Variants in TRIO observed in about 807,000 individuals in gnomAD.
The protein encoded by TRIO is trio Rho guanine nucleotide exchange factor.
TRIO carries 58 observed loss-of-function variants against 351.9 expected under a neutral mutation model. That is an observed-to-expected ratio of 0.16 (90% CI 0.13 to 0.21). The LOEUF (loss-of-function observed/expected upper bound fraction) is 0.21. Among genes scored for constraint, TRIO ranks in the 10% least tolerant of loss-of-function variants. TRIO has a pLI of 1.00. For missense variants in TRIO, 3,201 were observed against 4,027.8 expected (o/e 0.79, Z 5.56); for synonymous variants, 1,758 against 1,595.7 (o/e 1.10, Z -2.42).
chr5:14,377,551 G>C (rs1745672251), intron 19 of TRIO, among the ~76,000 whole-genome samples: 1 of 151,832 alleles, frequency 6.6e-6, no homozygotes, highest in South Asian at 2.1e-4. Flanking sequence ...CGCCCAGCTT[G>C]GTTTTTCTTT....
intron 18 of TRIO, 26 bp downstream of exon 18, chr5:14,369,549 C>T: frequency 1.3e-6 from 2 of 1,599,416 alleles, no homozygotes; most frequent in Non-Finnish European, 1.7e-6. Context: ...CGGGACAGTG[C>T]ACCCATCAGA....
chr5:14,263,539 C>T (rs912275185), intron 1 of TRIO, among the ~76,000 whole-genome samples: 3 of 152,168 alleles, frequency 2.0e-5, no homozygotes, highest in African/African-American at 7.2e-5. Context: ...CAGATTGATA[C>T]AATGATTGAA....
At chr5:14,396,421 ATAAT>A (rs1747586009) in intron 28 of TRIO, among the ~76,000 whole-genome samples, 1 of 137,472 alleles carries the variant, frequency 7.3e-6, no homozygotes, top group African/African-American at 2.7e-5. Context: ...GTGTTACATA[ATAAT>A]TAAATATTTC....
chr5:14,461,991 A>G (rs1462823082), intron 35 of TRIO, among the ~76,000 whole-genome samples: 1 of 152,180 alleles, frequency 6.6e-6, no homozygotes, highest in Non-Finnish European at 1.5e-5. Context: ...TTCCTTCAGG[A>G]TGCTGGAGAT....
At chr5:14,459,722 A>T (rs1407425989) in intron 34 of TRIO, among the ~76,000 whole-genome samples, 1 of 152,182 alleles carries the variant, frequency 6.6e-6, no homozygotes, top group East Asian at 1.9e-4. Flanking sequence ...TGGGTGACAG[A>T]GCAAGACTCC....
chr5:14,468,023 G>C (rs184216029), intron 37 of TRIO, among the ~76,000 whole-genome samples: 1 of 152,106 alleles, frequency 6.6e-6, no homozygotes, highest in Non-Finnish European at 1.5e-5. Context: ...TTACCAAATA[G>C]CCGAAATGGT....
chr5:14,491,459 G>A (rs1195130966), intron 48 of TRIO, among the ~76,000 whole-genome samples: 5 of 152,190 alleles, frequency 3.3e-5, no homozygotes, highest in East Asian at 3.8e-4. Flanking sequence ...ACCAGATGCC[G>A]TTTCTCACAT....
intron 1 of TRIO, among the ~76,000 whole-genome samples, chr5:14,254,597 T>C (rs1290052518): frequency 6.6e-6 from 1 of 152,174 alleles, no homozygotes; most frequent in Non-Finnish European, 1.5e-5. Flanking sequence ...ACCGTTGGTC[T>C]TGGCTCTGTT....
chr5:14,168,650 T>A (rs1230506275), intron 1 of TRIO, among the ~76,000 whole-genome samples: 1 of 152,252 alleles, frequency 6.6e-6, no homozygotes, highest in East Asian at 1.9e-4. Flanking sequence ...AGTTCCGCCC[T>A]TTTTAGCTAG....
At chr5:14,395,917 G>A (rs1747523474) in intron 28 of TRIO, among the ~76,000 whole-genome samples, 1 of 151,888 alleles carries the variant, frequency 6.6e-6, no homozygotes, top group Non-Finnish European at 1.5e-5. Flanking sequence ...ATGGTGGCGG[G>A]CGCCTGTAGT....
chr5:14,493,775 C>T (rs79837431), intron 49 of TRIO, among the ~76,000 whole-genome samples: 3,743 of 152,252 alleles, frequency 0.025, 140 homozygotes, highest in African/African-American at 0.086. Flanking sequence ...CCTCTCGCAC[C>T]GAACAGTTAG....
chr5:14,258,102 A>C (rs1795130814), intron 1 of TRIO, among the ~76,000 whole-genome samples: 1 of 152,206 alleles, frequency 6.6e-6, no homozygotes, highest in African/African-American at 2.4e-5. Context: ...TGTTGACACA[A>C]AATTTCGTTT....
At chr5:14,196,338 G>A (rs546407808) in intron 1 of TRIO, among the ~76,000 whole-genome samples, 17 of 146,748 alleles carry the variant, frequency 1.2e-4, no homozygotes, top group Non-Finnish European at 2.4e-4. Context: ...CAGGAGAATC[G>A]CTTGAATCCA....
At chr5:14,281,986 C>T (rs561550949) in intron 3 of TRIO, among the ~76,000 whole-genome samples, 1 of 152,346 alleles carries the variant, frequency 6.6e-6, no homozygotes, top group East Asian at 1.9e-4. Flanking sequence ...CCATGCCCCT[C>T]CCTAACAGGG....
intron 11 of TRIO, among the ~76,000 whole-genome samples, chr5:14,339,341 T>C (rs1741725589): frequency 6.6e-6 from 1 of 152,232 alleles, no homozygotes; most frequent in African/African-American, 2.4e-5. Context: ...CATCCACTTA[T>C]AAGACCATGG....
At chr5:14,323,954 A>G (rs1278168636) in intron 9 of TRIO, among the ~76,000 whole-genome samples, 2 of 152,164 alleles carry the variant, frequency 1.3e-5, no homozygotes, top group Non-Finnish European at 2.9e-5. Context: ...ATGGCCACCT[A>G]CTTTGGTTTA....
rs1748029795 is a variant in TRIO, at chr5:14,401,057, T to C, written c.4709T>C (p.Val1570Ala). 2 of 1,613,786 alleles carry C rather than the reference T, an allele frequency of 1.2e-6. No individual in the cohort carries two copies. The highest frequency in any genetic ancestry group is 1.7e-6 in the Non-Finnish European group (2 of 1,179,790). ...ACACCAACTTCAGATAATAAAATTGTCCTTAAGGTACGTTCATTTGAAGCT... is the reference window on the plus strand; with the variant it reads ...ACACCAACTTCAGATAATAAAATTGCCCTTAAGGTACGTTCATTTGAAGCT... ...GRTPTSDNKI[V>A]LKASSIENKQ... Residue 1570 changes from valine (V) to alanine (A), a missense_variant, in exon 31 of 57, where the codon GTC (valine) becomes GCC (alanine). By Grantham distance (64) the Val-to-Ala change is moderately conservative. Coordinates refer to ENST00000344204, the MANE Select transcript of TRIO (RefSeq NM_007118.4).
intron 11 of TRIO, among the ~76,000 whole-genome samples, chr5:14,350,437 CT>C: frequency 1.3e-5 from 2 of 152,260 alleles, no homozygotes; most frequent in East Asian, 3.9e-4. Flanking sequence ...TCAAATTCTT[CT>C]TTTAGACTTG....
chr5:14,180,090 G>A (rs960397393), intron 1 of TRIO, among the ~76,000 whole-genome samples: 1 of 107,260 alleles, frequency 9.3e-6, no homozygotes, highest in South Asian at 3.2e-4. Flanking sequence ...GACAGAGCAG[G>A]ACTCCTGCTC....
Sources: allele counts gnomAD v4.1 joint callset (sites outside exome capture counted in the v4.1 genomes callset), GRCh38; gene constraint gnomAD v4.1.1; transcripts MANE v1.5; gene names NCBI Gene and HGNC (gene_info 2026-07-23, HGNC 2026-07-21).